Variants in WDFY2 observed in about 807,000 individuals in gnomAD.
The protein encoded by WDFY2 is WD repeat and FYVE domain containing 2, also known as WD repeat and FYVE domain-containing protein 2.
Under a neutral mutation model 56.4 loss-of-function variants are expected in WDFY2, and 36 were observed. The observed-to-expected ratio is 0.64, with a 90% CI of 0.49 to 0.84. The LOEUF (loss-of-function observed/expected upper bound fraction) is 0.84, where lower values mean the gene tolerates loss of function less well. Ranked by LOEUF, WDFY2 falls within the 40% of genes least tolerant of loss-of-function variation. The probability of loss-of-function intolerance (pLI) is 0.00; values close to 1 mark genes in which losing one functional copy is unlikely to be tolerated. For synonymous variants in WDFY2, 176 were observed against 183.7 expected, an observed-to-expected ratio of 0.96 and a Z score of 0.34; for missense variants, 444 against 512.2, an observed-to-expected ratio of 0.87 and a Z score of 1.29.
intron 3 of WDFY2, among the ~76,000 whole-genome samples, chr13:51,701,308 G>A (rs1951979796): frequency 6.6e-6 from 1 of 151,952 alleles, no homozygotes; most frequent in Non-Finnish European, 1.5e-5. Context: ...GGATCACGAG[G>A]TCAGGAGTTC....
At chr13:51,663,647 C>G (rs913412186) in intron 2 of WDFY2, among the ~76,000 whole-genome samples, 8 of 152,110 alleles carry the variant, frequency 5.3e-5, no homozygotes, top group African/African-American at 7.2e-5. Flanking sequence ...AGGAAATAAG[C>G]TACATTTCAA....
intron 3 of WDFY2, among the ~76,000 whole-genome samples, chr13:51,697,989 G>A (rs1951911183): frequency 6.6e-6 from 1 of 152,152 alleles, no homozygotes; most frequent in South Asian, 2.1e-4. Context: ...GACAGGCACT[G>A]CTTTAAAATG....
At chr13:51,696,528 C>G (rs1951880090) in intron 3 of WDFY2, among the ~76,000 whole-genome samples, 1 of 152,134 alleles carries the variant, frequency 6.6e-6, no homozygotes, top group South Asian at 2.1e-4. Context: ...CAAACAGACT[C>G]AGTTCATTGA....
At chr13:51,610,892 CAG>C (rs1303085511) in intron 1 of WDFY2, among the ~76,000 whole-genome samples, 2 of 152,172 alleles carry the variant, frequency 1.3e-5, no homozygotes, top group Admixed American at 6.5e-5. Context: ...GGGGGAGAAA[CAG>C]AGGAATTTGA....
chr13:51,721,149 A>G (rs1381274116), intron 5 of WDFY2, among the ~76,000 whole-genome samples: 1 of 152,122 alleles, frequency 6.6e-6, no homozygotes, highest in Non-Finnish European at 1.5e-5. Flanking sequence ...AGTCTACACT[A>G]CCCTCATTTT....
In WDFY2 at chr13:51,764,914, A is replaced by G. The variant is rs9535754; in HGVS notation, c.*5145A>G. 40,869 of 151,468 alleles carry G rather than the reference A, an allele frequency of 0.27. 5,618 individuals are homozygous for G. Among genetic ancestry groups the G allele is most frequent in the South Asian group, 0.36 (1,730 of 4,782 alleles). The allele number at this position is 151,468 out of a possible 1,614,324, so 9.4% of individuals were successfully genotyped here. A position where few individuals can be genotyped will look rare whatever the true frequency, so the allele number is the denominator to read the frequency against. On this transcript the variant is annotated 3_prime_UTR_variant, in exon 12 of 12. Coordinates refer to ENST00000298125, the MANE Select transcript of WDFY2 (RefSeq NM_052950.4). ...GAAAGCCCTGGCCCTGTGGCAGGAG[A>G]GGATTGTTCTAGTCAAGTGTGGCGT...
intron 1 of WDFY2, among the ~76,000 whole-genome samples, chr13:51,653,878 G>C (rs1955455121): frequency 1.3e-5 from 2 of 152,238 alleles, no homozygotes; most frequent in South Asian, 2.1e-4. Context: ...GAGGCAGTCT[G>C]TCCGTTCTCA....
At chr13:51,600,977 CTT>C (rs1348111369) in intron 1 of WDFY2, among the ~76,000 whole-genome samples, 1 of 152,122 alleles carries the variant, frequency 6.6e-6, no homozygotes, top group African/African-American at 2.4e-5. Flanking sequence ...CATGTGGACT[CTT>C]TTCCTGTAGT....
Position 51,742,109 on chromosome 13 carries a change from A to G in WDFY2, c.725+2934A>G, listed in dbSNP as rs572773899. The stretch of plus-strand genomic sequence containing the variant: ...GATAGGGAGACTGCCTTTCCTTGGT[A>G]TGGAAATGTCCAGCCATTCTGTTGA... On this transcript the variant is annotated intron_variant, in intron 7 of 11. Coordinates refer to ENST00000298125, the MANE Select transcript of WDFY2 (RefSeq NM_052950.4). Among the ~76,000 whole-genome samples the G allele has an allele frequency of 7.6e-4, 116 of 152,304 alleles. 5 individuals are homozygous for G. In the South Asian group the frequency reaches 0.024, roughly 32 times the overall value.
At chr13:51,734,876 A>G (rs1442212768) in intron 6 of WDFY2, among the ~76,000 whole-genome samples, 1 of 152,254 alleles carries the variant, frequency 6.6e-6, no homozygotes, top group Non-Finnish European at 1.5e-5. Flanking sequence ...ATGAAATGGA[A>G]GAAATGCTTT....
At chr13:51,703,769 T>C in intron 4 of WDFY2, 119 bp downstream of exon 4, 1 of 815,978 alleles carries the variant, frequency 1.2e-6, no homozygotes, top group Non-Finnish European at 1.9e-6. Context: ...GAGCAACCTT[T>C]TGAGTGAGTG....
chr13:51,587,009 T>A (rs1410762742), intron 1 of WDFY2: 1 of 152,224 alleles, frequency 6.6e-6, no homozygotes, highest in Non-Finnish European at 1.5e-5. Context: ...CAATGCTAAA[T>A]ATATGAAAAT....
At chr13:51,589,392 A>C (rs996496782) in intron 1 of WDFY2, 1 of 152,004 alleles carries the variant, frequency 6.6e-6, no homozygotes, top group Non-Finnish European at 1.5e-5. Flanking sequence ...CTAAATTACT[A>C]TGATTCGAAG....
intron 6 of WDFY2, 30 bp downstream of exon 6, chr13:51,727,820 TG>T: frequency 2.5e-6 from 4 of 1,600,684 alleles, no homozygotes; most frequent in Non-Finnish European, 3.4e-6. Context: ...CGTCATGTGC[TG>T]ATAGCACAGT....
chr13:51,592,771 CTTAAATT>C (rs1224940408), intron 1 of WDFY2, among the ~76,000 whole-genome samples: 2 of 151,936 alleles, frequency 1.3e-5, no homozygotes, highest in African/African-American at 2.4e-5. Flanking sequence ...TAAGGATCAA[CTTAAATT>C]TTAAATAATC....
At chr13:51,727,322 C>T (rs1264793275) in intron 5 of WDFY2, among the ~76,000 whole-genome samples, 1 of 152,202 alleles carries the variant, frequency 6.6e-6, no homozygotes, top group Non-Finnish European at 1.5e-5. Context: ...GCTAACCTCC[C>T]TATCACATAC....
At chr13:51,724,771 T>C (rs1463553809) in intron 5 of WDFY2, among the ~76,000 whole-genome samples, 1 of 152,218 alleles carries the variant, frequency 6.6e-6, no homozygotes, top group East Asian at 1.9e-4. Context: ...GTACATTCTA[T>C]GGATTTGGAC....
intron 1 of WDFY2, among the ~76,000 whole-genome samples, chr13:51,628,610 G>A (rs938216788): frequency 6.6e-6 from 1 of 152,150 alleles, no homozygotes; most frequent in Non-Finnish European, 1.5e-5. Flanking sequence ...ATCCCTAGCG[G>A]CACCCCCCCT....
intron 2 of WDFY2, among the ~76,000 whole-genome samples, chr13:51,665,304 G>C (rs1003299370): frequency 6.6e-6 from 1 of 152,202 alleles, no homozygotes; most frequent in Non-Finnish European, 1.5e-5. Context: ...GCCTGTGACA[G>C]TATCAACTTA....
Sources: gnomAD v4.1 joint callset for allele counts (sites outside exome capture counted in the v4.1 genomes callset) on GRCh38, gnomAD v4.1.1 for gene constraint, MANE v1.5 for transcripts, NCBI Gene and HGNC (gene_info 2026-07-23, HGNC 2026-07-21) for gene names.